PCDH11Y: variants seen among roughly 807,000 people sequenced by gnomAD.
PCDH11Y encodes the protein protocadherin 11 Y-linked, also known as protocadherin-11 Y-linked.
For missense variants in PCDH11Y, 12 were observed against 224.8 expected, an observed-to-expected ratio of 0.05 and a Z score of 6.05; for synonymous variants, 9 against 83.6, an observed-to-expected ratio of 0.11 and a Z score of 4.87.
chrY:5,410,072 A>G (rs2053245106), intron 2 of PCDH11Y, among the ~76,000 whole-genome samples: 1 of 33,857 alleles, frequency 3.0e-5, no homozygotes, highest in Admixed American at 2.7e-4. Context: ...TGTGTCTATT[A>G]AAAAGATCAT....
At chrY:5,115,865 T>C (rs1324246228) in intron 2 of PCDH11Y, among the ~76,000 whole-genome samples, 30 of 28,114 alleles carry the variant, frequency 1.1e-3, no homozygotes, top group Admixed American at 2.7e-3. Context: ...CTCAGCCTCC[T>C]GAGTAGCTGG....
intron 2 of PCDH11Y, among the ~76,000 whole-genome samples, chrY:5,301,695 G>A: frequency 3.0e-5 from 1 of 33,580 alleles, no homozygotes; most frequent in Non-Finnish European, 7.4e-5. Context: ...ATTGTGCTAG[G>A]TGCCAGGGAA....
chrY:5,184,385 C>CACCA (rs2052904424), intron 2 of PCDH11Y, among the ~76,000 whole-genome samples: 1 of 22,992 alleles, frequency 4.3e-5, no homozygotes, highest in African/African-American at 1.8e-4. Context: ...CATATCTTGG[C>CACCA]TATTGTGAAT....
chrY:5,219,047 C>T (rs2052949578), intron 2 of PCDH11Y, among the ~76,000 whole-genome samples: 1 of 34,406 alleles, frequency 2.9e-5, no homozygotes, highest in Non-Finnish European at 7.3e-5. Flanking sequence ...TCAGGATCTC[C>T]TTGTTTTTAA....
intron 2 of PCDH11Y, among the ~76,000 whole-genome samples, chrY:5,498,164 CT>C (rs2053347878): frequency 1.5e-4 from 5 of 33,539 alleles, no homozygotes; most frequent in African/African-American, 5.8e-4. Context: ...AATTACTAAT[CT>C]TGTGGCTAAT....
chrY:5,643,837 C>CT (rs2053524874), intron 4 of PCDH11Y, among the ~76,000 whole-genome samples: 19 of 26,655 alleles, frequency 7.1e-4, no homozygotes, highest in East Asian at 3.8e-3. Context: ...TGAATTTGAC[C>CT]TTTTTTTTTT....
chrY:5,603,697 C>T, intron 4 of PCDH11Y, among the ~76,000 whole-genome samples: 2 of 29,916 alleles, frequency 6.7e-5, no homozygotes, highest in Non-Finnish European at 1.6e-4. Flanking sequence ...GAAAGAGAGT[C>T]CAGAGACCGT....
At chrY:5,151,256 A>G (rs1602876940) in intron 2 of PCDH11Y, among the ~76,000 whole-genome samples, 1 of 33,297 alleles carries the variant, frequency 3.0e-5, no homozygotes, top group East Asian at 8.1e-4. Context: ...GCAATGGCAG[A>G]TAGGGAAGCA....
intron 2 of PCDH11Y, among the ~76,000 whole-genome samples, chrY:5,403,614 G>T (rs2124677289): frequency 3.0e-5 from 1 of 32,943 alleles, no homozygotes; most frequent in Non-Finnish European, 7.5e-5. Flanking sequence ...TATTCAAGTT[G>T]TTTTTTCTGT....
chrY:5,679,326 A>G (rs2053556228), intron 4 of PCDH11Y, among the ~76,000 whole-genome samples: 1 of 33,780 alleles, frequency 3.0e-5, no homozygotes, highest in Admixed American at 2.7e-4. Flanking sequence ...GGATAGGGCA[A>G]TGGGCAGAAT....
chrY:5,336,062 G>GA (rs2053136251), intron 2 of PCDH11Y, among the ~76,000 whole-genome samples: 2 of 31,434 alleles, frequency 6.4e-5, no homozygotes, highest in African/African-American at 2.5e-4. Flanking sequence ...ATAGGAAATT[G>GA]AAAAAAAACA....
At chrY:5,291,386 C>A (rs2124661946) in intron 2 of PCDH11Y, among the ~76,000 whole-genome samples, 1 of 33,782 alleles carries the variant, frequency 3.0e-5, no homozygotes, top group African/African-American at 1.2e-4. Flanking sequence ...TAAATAATTT[C>A]ACTTCTTCCT....
downstream of PCDH11Y, among the ~76,000 whole-genome samples, chrY:5,105,683 G>T (rs1602868175): frequency 3.3e-5 from 1 of 29,991 alleles, no homozygotes; most frequent in Non-Finnish European, 8.1e-5. Context: ...TATTTTTGTT[G>T]TAATAATGTT....
chrY:5,040,579 T>G, intron 3 of PCDH11Y, among the ~76,000 whole-genome samples: 1 of 31,654 alleles, frequency 3.2e-5, no homozygotes, highest in Admixed American at 3.0e-4. Context: ...TATACTATTA[T>G]ATTACCCCTT....
chrY:5,385,760 G>C (rs2053213735), intron 2 of PCDH11Y, among the ~76,000 whole-genome samples: 3 of 33,617 alleles, frequency 8.9e-5, no homozygotes, highest in Non-Finnish European at 1.5e-4. Context: ...CTGATCATTA[G>C]TGCTGTTGAT....
intron 2 of PCDH11Y, among the ~76,000 whole-genome samples, chrY:5,115,815 A>C (rs2052809128): frequency 4.8e-5 from 1 of 20,946 alleles, no homozygotes; most frequent in African/African-American, 2.0e-4. Flanking sequence ...ATCTCGGCTC[A>C]CTGCAAGCTC....
At chrY:5,498,319 T>G in intron 2 of PCDH11Y, among the ~76,000 whole-genome samples, 5 of 33,947 alleles carry the variant, frequency 1.5e-4, no homozygotes. Flanking sequence ...CAAGGACAGC[T>G]TGGAGGTTAA....
At chrY:5,733,011 CT>C (rs2053606521) in intron 4 of PCDH11Y, among the ~76,000 whole-genome samples, 1 of 33,502 alleles carries the variant, frequency 3.0e-5, no homozygotes, top group African/African-American at 1.2e-4. Context: ...GTTCTGATTG[CT>C]TTCTTTCAAG....
intron 1 of PCDH11Y, among the ~76,000 whole-genome samples, chrY:5,072,809 G>A: frequency 3.0e-5 from 1 of 33,353 alleles, no homozygotes; most frequent in Admixed American, 2.7e-4. Context: ...AATAAAAAGA[G>A]TTGGACATTT....
Sources: gnomAD v4.1 joint callset for allele counts (sites outside exome capture counted in the v4.1 genomes callset) on GRCh38, gnomAD v4.1.1 for gene constraint, MANE v1.5 for transcripts, NCBI Gene and HGNC (gene_info 2026-07-23, HGNC 2026-07-21) for gene names.